Variants in FGF13 observed in about 807,000 individuals in gnomAD.
FGF13 encodes the protein fibroblast growth factor homologous factor 2.
A neutral mutation model predicts 19.5 loss-of-function variants in FGF13; 2 were observed. That is an observed-to-expected ratio of 0.10 (90% confidence interval 0.04 to 0.32). The LOEUF (loss-of-function observed/expected upper bound fraction) is 0.32. Ranked by LOEUF, FGF13 falls within the 10% of genes least tolerant of loss-of-function variation. The probability of loss-of-function intolerance (pLI) is 1.00; values close to 1 mark genes in which losing one functional copy is unlikely to be tolerated. For missense variants in FGF13, 113 were observed against 192.7 expected, an observed-to-expected ratio of 0.59 and a Z score of 2.45; for synonymous variants, 72 against 76.9, an observed-to-expected ratio of 0.94 and a Z score of 0.33.
At chrX:138,901,314 C>T (rs1378331484) in intron 1 of FGF13, among the ~76,000 whole-genome samples, 4 of 111,425 alleles carry the variant, frequency 3.6e-5, no homozygotes, top group Non-Finnish European at 7.5e-5. Context: ...ATGAAGCGCA[C>T]GGTGGGGCTG....
At chrX:138,760,540 T>C (rs1392827325) in intron 3 of FGF13, among the ~76,000 whole-genome samples, 2 of 111,502 alleles carry the variant, frequency 1.8e-5, no homozygotes, top group East Asian at 5.7e-4. Flanking sequence ...TTGTGGGGAA[T>C]CTGGCCAAAA....
chrX:139,130,427 T>C (rs1026458667), intron 1 of FGF13, among the ~76,000 whole-genome samples: 21 of 112,243 alleles, frequency 1.9e-4, no homozygotes, highest in Non-Finnish European at 3.4e-4. Flanking sequence ...TATTCTTCAA[T>C]TGTTTGCAAC....
chrX:138,671,557 C>T (rs1312297575), intron 3 of FGF13, among the ~76,000 whole-genome samples: 3 of 111,040 alleles, frequency 2.7e-5, no homozygotes, highest in East Asian at 2.9e-4. Context: ...TCCAGGTACT[C>T]GGGAAAGATC....
At chrX:138,772,806 C>T (rs189182362) in intron 3 of FGF13, among the ~76,000 whole-genome samples, 228 of 110,632 alleles carry the variant, frequency 2.1e-3, no homozygotes, top group African/African-American at 6.8e-3. Flanking sequence ...CAGGAAGTAC[C>T]CTAAGTATAA....
chrX:138,781,007 T>G (rs1413822686), intron 3 of FGF13, among the ~76,000 whole-genome samples: 115 of 111,160 alleles, frequency 1.0e-3, no homozygotes, highest in African/African-American at 3.4e-3. Flanking sequence ...TCAGGATTAA[T>G]AATCGCACTC....
intron 1 of FGF13, among the ~76,000 whole-genome samples, chrX:138,900,092 T>C (rs1023119871): frequency 9.0e-6 from 1 of 111,534 alleles, no homozygotes; most frequent in Non-Finnish European, 1.9e-5. Flanking sequence ...CTACCAGGCC[T>C]GGTAAGTCAG....
chrX:138,651,187 A>T (rs2089368395), intron 3 of FGF13, among the ~76,000 whole-genome samples: 3 of 111,780 alleles, frequency 2.7e-5, no homozygotes, highest in African/African-American at 9.8e-5. Flanking sequence ...GTTGCCAGGG[A>T]CTTCACTAAT....
chrX:139,053,215 T>C (rs1159433729), intron 1 of FGF13, among the ~76,000 whole-genome samples: 1 of 111,192 alleles, frequency 9.0e-6, no homozygotes, highest in African/African-American at 3.3e-5. Flanking sequence ...CCATCATAGA[T>C]AGATATGTGT....
chrX:138,793,766 T>C (rs1427721929), intron 3 of FGF13, among the ~76,000 whole-genome samples: 1 of 111,995 alleles, frequency 8.9e-6, no homozygotes, highest in Non-Finnish European at 1.9e-5. Context: ...CTGTCCAAGG[T>C]CACAGTTATT....
intron 3 of FGF13, among the ~76,000 whole-genome samples, chrX:138,665,143 C>A (rs2089527847): frequency 9.1e-6 from 1 of 110,403 alleles, no homozygotes; most frequent in African/African-American, 3.3e-5. Context: ...AAAACAAGAT[C>A]CAGGTCTCAC....
intron 3 of FGF13, among the ~76,000 whole-genome samples, chrX:138,651,653 C>T (rs987951225): frequency 1.7e-4 from 19 of 111,784 alleles, no homozygotes; most frequent in African/African-American, 6.2e-4. Flanking sequence ...TTTTGCTGCA[C>T]TGCTGATAGC....
intron 1 of FGF13, among the ~76,000 whole-genome samples, chrX:139,183,826 C>T (rs906363838): frequency 9.0e-5 from 10 of 111,705 alleles, no homozygotes; most frequent in Admixed American, 5.7e-4. Flanking sequence ...AACAGTAATC[C>T]ACAGCAAATA....
At position 138,912,228 on chromosome X, in the gene FGF13, G is replaced by A. The variant is rs2091591649; in HGVS notation, c.-112-47578C>T. Reference sequence around the variant, plus strand: ...CAATCTGTCTTCCCCTTTATCTACTGAGAATACATGTTTTACCAGTGCTAT... The same window carrying A: ...CAATCTGTCTTCCCCTTTATCTACTAAGAATACATGTTTTACCAGTGCTAT... On this transcript the variant is annotated intron_variant, in intron 1 of 2. Transcript: ENST00000421460. 3.6e-5 allele frequency among the ~76,000 whole-genome samples: 4 copies of A among 111,834 alleles called. No homozygotes were observed. The Admixed American group carries it at 3.8e-4, about 11-fold the overall frequency.
chrX:138,818,483 GAT>G (rs1328558337), intron 3 of FGF13, among the ~76,000 whole-genome samples: 1 of 85,942 alleles, frequency 1.2e-5, no homozygotes, highest in Non-Finnish European at 2.3e-5. Context: ...GTTATATAAG[GAT>G]ATATATATGC....
intron 1 of FGF13, among the ~76,000 whole-genome samples, chrX:138,884,226 C>G (rs2091441394): frequency 8.9e-6 from 1 of 111,971 alleles, no homozygotes; most frequent in Admixed American, 9.5e-5. Flanking sequence ...TGGTCTTATA[C>G]CTTAGAAGTG....
chrX:138,820,543 A>T (rs908617898), intron 3 of FGF13, among the ~76,000 whole-genome samples: 2 of 112,047 alleles, frequency 1.8e-5, no homozygotes, highest in South Asian at 7.4e-4. Flanking sequence ...ATGAATGAGC[A>T]TAGGTGTGCT....
chrX:138,831,932 T>C (rs1180809752), intron 3 of FGF13, among the ~76,000 whole-genome samples: 3 of 111,712 alleles, frequency 2.7e-5, no homozygotes, highest in African/African-American at 9.8e-5. Context: ...ATGCAGTATT[T>C]AGTATTTGGT....
chrX:139,110,552 T>A (rs2083594156), intron 1 of FGF13, among the ~76,000 whole-genome samples: 1 of 111,782 alleles, frequency 8.9e-6, no homozygotes, highest in Non-Finnish European at 1.9e-5. Context: ...TCTGCCATGA[T>A]TGTGAGGCCT....
rs753319887 is a variant in FGF13 at position 139,059,526 on chromosome X, C to G, written c.-113+143890G>C. Among the ~76,000 whole-genome samples, 109 of 111,531 alleles carry G rather than the reference C, an allele frequency of 9.8e-4. 1 individual carries two copies. Among genetic ancestry groups the G allele is most frequent in the South Asian group, 1.5e-3 (4 of 2,616 alleles). ...TTCAGGTTTGTCAGGCACGAGGAGACAGTACTGAACTTTTCCAACAATCTC... is the reference window on the plus strand; with the variant it reads ...TTCAGGTTTGTCAGGCACGAGGAGAGAGTACTGAACTTTTCCAACAATCTC... On this transcript the variant is annotated intron_variant, in intron 1 of 2. Coordinates refer to the FGF13 transcript ENST00000421460.
Sources: gnomAD v4.1 joint callset for allele counts (sites outside exome capture counted in the v4.1 genomes callset) on GRCh38, gnomAD v4.1.1 for gene constraint, MANE v1.5 for transcripts, NCBI Gene and HGNC (gene_info 2026-07-23, HGNC 2026-07-21) for gene names.